Variants in PHIP observed in about 807,000 individuals in gnomAD.
PHIP encodes the protein PH-interacting protein.
PHIP carries 54 observed loss-of-function variants against 236.8 expected under a neutral mutation model. That is an observed-to-expected ratio of 0.23 (90% CI 0.18 to 0.29). The LOEUF (loss-of-function observed/expected upper bound fraction) is 0.29. Among genes scored for constraint, PHIP ranks in the 10% least tolerant of loss-of-function variants. PHIP has a pLI of 1.00. For synonymous variants in PHIP, 756 were observed against 718.9 expected, an observed-to-expected ratio of 1.05 and a Z score of -0.83; for missense variants, 1,370 against 2,190.8, an observed-to-expected ratio of 0.63 and a Z score of 7.48.
chr6:79,067,923 T>C (rs1327424374), intron 4 of PHIP: 9 of 152,936 alleles, frequency 5.9e-5, no homozygotes, highest in Non-Finnish European at 1.0e-4. Context: ...GAAACTGAGC[T>C]CTTTGAGAGG....
intron 30 of PHIP, among the ~76,000 whole-genome samples, chr6:78,962,530 A>G (rs1241295875): frequency 6.6e-6 from 1 of 152,106 alleles, no homozygotes; most frequent in African/African-American, 2.4e-5. Flanking sequence ...ATTTCTCTCT[A>G]GACTCTTTGC....
In PHIP at chr6:78,940,772, G is replaced by T; in HGVS notation, c.5387C>A (p.Ser1796Tyr). ...TCTACTAGAAGTTCCAAAAGTTAAA[G>T]AGGTGTCTTCGAACAACAGCTGCCT... The part of the protein sequence containing the change: ...EQRQLLFEDT[S>Y]LTFGTSSRGR... Residue 1796 changes from serine to tyrosine, a missense_variant, in exon 40 of 40, where the codon TCT (serine) becomes TAT (tyrosine). This residue lies in a region of PHIP where 30 missense variants were observed against 68.2 expected (regional missense o/e 0.44). Coordinates refer to ENST00000275034, the MANE Select transcript of PHIP (RefSeq NM_017934.7). 1.2e-6 allele frequency: 2 copies of T among 1,613,742 alleles called. No individual in the cohort carries two copies. Among genetic ancestry groups the T allele is most frequent in the Non-Finnish European group, 1.7e-6 (2 of 1,179,772 alleles).
chr6:78,955,932 G>A, intron 32 of PHIP: 1 of 251,664 alleles, frequency 4.0e-6, no homozygotes, highest in Non-Finnish European at 7.5e-6. Flanking sequence ...TCTTTGCTTA[G>A]GTATCTGCTG....
intron 15 of PHIP, among the ~76,000 whole-genome samples, chr6:79,010,503 AAC>A (rs1334926414): frequency 9.0e-6 from 1 of 111,608 alleles, no homozygotes; most frequent in African/African-American, 2.9e-5. Flanking sequence ...CCCATGAAAC[AAC>A]AAAGTAAAGC....
chr6:79,067,335 T>C lies in PHIP; in HGVS notation c.190-6517A>G, dbSNP rs1203024172. 2.0e-5 allele frequency among the ~76,000 whole-genome samples: 3 copies of C among 152,240 alleles called. 1 individual carries two copies. In the East Asian group the frequency reaches 5.8e-4, roughly 29 times the overall value. On this transcript the variant is annotated intron_variant, in intron 4 of 39. Coordinates refer to ENST00000275034, the MANE Select transcript of PHIP (RefSeq NM_017934.7). ...GCTAGTCAGAGCTTTTTCAAACTTA[T>C]GTCCCTTCCACCTCCGTTCTCAGTT...
intron 19 of PHIP, among the ~76,000 whole-genome samples, chr6:78,993,923 A>T (rs143620592): frequency 1.4e-4 from 21 of 152,352 alleles, no homozygotes; most frequent in Non-Finnish European, 2.6e-4. Flanking sequence ...GGCAAAATAC[A>T]TTGAAAACCT....
intron 15 of PHIP, 74 bp downstream of exon 15, chr6:79,015,008 G>A: frequency 8.4e-7 from 1 of 1,193,758 alleles, no homozygotes; most frequent in Non-Finnish European, 1.2e-6. Flanking sequence ...GATTTCCTTT[G>A]TGACATGCAG....
At chr6:79,073,658 T>A (rs1025692375) in intron 4 of PHIP, among the ~76,000 whole-genome samples, 1 of 152,078 alleles carries the variant, frequency 6.6e-6, no homozygotes, top group Admixed American at 6.6e-5. Flanking sequence ...ACCTAAGATA[T>A]ATACTTAAAT....
chr6:78,990,313 G>C (rs539110803), intron 20 of PHIP, among the ~76,000 whole-genome samples: 1 of 152,270 alleles, frequency 6.6e-6, no homozygotes, highest in Non-Finnish European at 1.5e-5. Flanking sequence ...TTCACACTCA[G>C]GAAGTACGTA....
At chr6:78,958,746 G>T in intron 31 of PHIP, 146 bp from the exon 32 acceptor site, 1 of 615,572 alleles carries the variant, frequency 1.6e-6, no homozygotes, top group Non-Finnish European at 2.9e-6. Context: ...TTTCAAAGCA[G>T]CATAACTGCA....
At chr6:79,022,211 T>G (rs1308732899) in intron 9 of PHIP, among the ~76,000 whole-genome samples, 1 of 152,192 alleles carries the variant, frequency 6.6e-6, no homozygotes, top group Non-Finnish European at 1.5e-5. Context: ...CTCAGTATCC[T>G]CATCTGTAAA....
intron 17 of PHIP, among the ~76,000 whole-genome samples, chr6:79,001,610 T>C (rs758663972): frequency 6.6e-6 from 1 of 152,104 alleles, no homozygotes; most frequent in African/African-American, 2.4e-5. Context: ...TCAATAAATG[T>C]TGCTGAGTAA....
chr6:78,980,886 G>C (rs1340076432), intron 23 of PHIP, among the ~76,000 whole-genome samples: 1 of 151,996 alleles, frequency 6.6e-6, no homozygotes, highest in Non-Finnish European at 1.5e-5. Flanking sequence ...TGCTAGGCAA[G>C]GATTTCTCCC....
intron 4 of PHIP, among the ~76,000 whole-genome samples, chr6:79,070,934 G>A (rs962117179): frequency 1.3e-5 from 2 of 152,164 alleles, no homozygotes; most frequent in African/African-American, 4.8e-5. Context: ...AAGGCCTGCT[G>A]TACATGAATT....
At chr6:78,974,675 A>T (rs1405125688) in intron 24 of PHIP, among the ~76,000 whole-genome samples, 16 of 152,228 alleles carry the variant, frequency 1.1e-4, no homozygotes, top group Non-Finnish European at 1.5e-4. Flanking sequence ...ATGCAATAAA[A>T]AATGATAAAG....
chr6:79,036,287 C>G (rs1444601600), intron 7 of PHIP, among the ~76,000 whole-genome samples: 2 of 152,152 alleles, frequency 1.3e-5, no homozygotes, highest in Non-Finnish European at 2.9e-5. Context: ...ATACATCCCA[C>G]CTCCTTAAAT....
intron 9 of PHIP, among the ~76,000 whole-genome samples, chr6:79,019,379 G>A (rs960029549): frequency 6.6e-6 from 1 of 151,944 alleles, no homozygotes; most frequent in African/African-American, 2.4e-5. Flanking sequence ...ACAACAATAC[G>A]TACATGGAAC....
chr6:78,981,219 G>A (rs930966691), intron 23 of PHIP, among the ~76,000 whole-genome samples: 10 of 151,866 alleles, frequency 6.6e-5, no homozygotes, highest in Admixed American at 2.6e-4. Flanking sequence ...CCAACCATGG[G>A]AATGCTTCTA....
chr6:79,004,941 A>G (rs749793492), intron 15 of PHIP, among the ~76,000 whole-genome samples: 17 of 152,104 alleles, frequency 1.1e-4, no homozygotes, highest in Non-Finnish European at 2.4e-4. Context: ...AAATATTTCT[A>G]TAAAAGAAAG....
Sources: allele counts gnomAD v4.1 joint callset (sites outside exome capture counted in the v4.1 genomes callset), GRCh38; gene constraint gnomAD v4.1.1; regional missense constraint gnomAD v4.1.1; transcripts MANE v1.5; gene names NCBI Gene and HGNC (gene_info 2026-07-23, HGNC 2026-07-21).